HAPLN3: variants seen among roughly 807,000 people sequenced by gnomAD.
The protein encoded by HAPLN3 is hyaluronan and proteoglycan link protein 3.
HAPLN3 carries 28 observed loss-of-function variants against 28.1 expected under a neutral mutation model. That is an observed-to-expected ratio of 1.00 (90% CI 0.74 to 1.37). The LOEUF is 1.37. Ranked by LOEUF, HAPLN3 falls within the 40% of genes most tolerant of loss-of-function variation. The pLI is 0.00. For synonymous variants in HAPLN3, 211 were observed against 213.1 expected (o/e 0.99, Z 0.09); for missense variants, 513 against 504.6 (o/e 1.02, Z -0.16).
At chr15:88,887,034 A>C in intron 2 of HAPLN3, 141 bp downstream of exon 2, 1 of 888,642 alleles carries the variant, frequency 1.1e-6, no homozygotes, top group Non-Finnish European at 1.8e-6. Flanking sequence ...CTGTCTGAGA[A>C]GCAAGCTGGC....
chr15:88,890,011 AGGGAGGAAG>A (rs998871399), intron 1 of HAPLN3, among the ~76,000 whole-genome samples: 1 of 93,134 alleles, frequency 1.1e-5, no homozygotes, highest in African/African-American at 4.1e-5. Context: ...GGAGGGAGGG[AGGGAGGAAG>A]GGGAGGAAGG....
Position 88,878,193 on chromosome 15 carries a change from T to C in HAPLN3, c.860A>G (p.Gln287Arg). The C allele has an allele frequency of 6.2e-7, 1 of 1,614,160 alleles. No individual in the cohort carries two copies. Among genetic ancestry groups the C allele is most frequent in the South Asian group, 1.1e-5 (1 of 91,080 alleles). Reference protein sequence around the residue: ...LTLTEAREACQEDDATIAKVG... With the variant: ...LTLTEAREACREDDATIAKVG... ...CTTGGCGATCGTGGCATCATCTTCC[T>C]GGCAGGCCTCCCTTGCCTCTGTCAG... Residue 287 changes from glutamine to arginine, a missense_variant, in exon 5 of 5, where the codon CAG becomes CGG. Transcript: ENST00000359595.
intron 1 of HAPLN3, among the ~76,000 whole-genome samples, chr15:88,891,931 C>G (rs1898023374): frequency 6.6e-6 from 1 of 152,200 alleles, no homozygotes; most frequent in Non-Finnish European, 1.5e-5. Context: ...GGGCTCCCCG[C>G]TGTCCCTGGG....
Position 88,879,773 on chromosome 15 carries a change from G to C in HAPLN3, c.494-504C>G. ...CCCTAGAGGCCGTGGGGAGAGGGTTGGGGAAGGGCCTTCCATAAAGGAGGC... is the reference window on the plus strand; with the variant it reads ...CCCTAGAGGCCGTGGGGAGAGGGTTCGGGAAGGGCCTTCCATAAAGGAGGC... On this transcript the variant is annotated intron_variant, in intron 3 of 4. Coordinates refer to ENST00000359595, the MANE Select transcript of HAPLN3 (RefSeq NM_178232.4). This position sits in a 1 kb window ranked among gnomAD's most constrained non-coding sequence, Gnocchi z 5.0. 8.8e-7 allele frequency: 1 copy of C among 1,132,026 alleles called. No homozygotes were observed. The highest frequency in any genetic ancestry group is 1.6e-5 in the African/African-American group (1 of 61,486). The allele number at this position is 1,132,026 out of a possible 1,614,324, so 70.1% of individuals were successfully genotyped here. A position where few individuals can be genotyped will look rare whatever the true frequency, so the allele number is the denominator to read the frequency against.
At position 88,893,174 on chromosome 15, in the gene HAPLN3, T is replaced by C. The variant is rs1898059358; in HGVS notation, c.-48+2285A>G. On this transcript the variant is annotated intron_variant, in intron 1 of 4. Transcript: ENST00000359595. ...CTCACACCTGTAATCCTACAGCATT[T>C]GGGGAAGCTGAGGGGGTGGATCACC... 4 of 692,350 alleles carry C rather than the reference T, an allele frequency of 5.8e-6. No homozygotes were observed. The Admixed American group carries it at 8.1e-5, about 14-fold the overall frequency. 42.9% of individuals were successfully genotyped at this position (692,350 alleles called of 1,614,324 possible). A position where few individuals can be genotyped will look rare whatever the true frequency, so the allele number is the denominator to read the frequency against.
chr15:88,882,538 AG>A (rs1596167791), intron 2 of HAPLN3, among the ~76,000 whole-genome samples: 1 of 152,356 alleles, frequency 6.6e-6, no homozygotes, highest in East Asian at 1.9e-4. Context: ...GAACTTCTAA[AG>A]GAGACTACGC....
chr15:88,882,269 T>C (rs1897726420), intron 2 of HAPLN3, among the ~76,000 whole-genome samples: 1 of 152,208 alleles, frequency 6.6e-6, no homozygotes, highest in Non-Finnish European at 1.5e-5. Flanking sequence ...AATCATGAGC[T>C]AAACAAATGG....
intron 2 of HAPLN3, 38 bp downstream of exon 2, chr15:88,887,137 C>G: frequency 6.2e-7 from 1 of 1,612,572 alleles, no homozygotes; most frequent in Non-Finnish European, 8.5e-7. Flanking sequence ...TCTAGGTCAC[C>G]CAGGGGAGCA....
intron 1 of HAPLN3, among the ~76,000 whole-genome samples, chr15:88,891,281 ACT>A (rs1898005655): frequency 6.6e-6 from 1 of 150,404 alleles, no homozygotes; most frequent in Non-Finnish European, 1.5e-5. Context: ...CTGAGCACTT[ACT>A]CTCTCATTTA....
intron 1 of HAPLN3, among the ~76,000 whole-genome samples, chr15:88,891,053 AT>A (rs1399348389): frequency 3.3e-5 from 5 of 151,532 alleles, no homozygotes; most frequent in Non-Finnish European, 2.9e-5. Flanking sequence ...AATTTTTGTA[AT>A]TTTTTAGTAG....
intron 4 of HAPLN3, among the ~76,000 whole-genome samples, chr15:88,878,535 C>G (rs1201644473): frequency 6.6e-6 from 1 of 152,230 alleles, no homozygotes; most frequent in Non-Finnish European, 1.5e-5. Context: ...GTCAGAGTCT[C>G]TTGCCCATTC....
rs140353760 is a variant in HAPLN3, at chr15:88,882,250, G to C, written c.125-525C>G. Reference sequence around the variant, plus strand: ...GAAATGGAGCCCACTCCAAAATGCTGACCCACAGAATCATGAGCTAAACAA... The same window carrying C: ...GAAATGGAGCCCACTCCAAAATGCTCACCCACAGAATCATGAGCTAAACAA... On this transcript the variant is annotated intron_variant, in intron 2 of 4. Coordinates refer to ENST00000359595, the MANE Select transcript of HAPLN3 (RefSeq NM_178232.4). Among the ~76,000 whole-genome samples the C allele has an allele frequency of 2.5e-4, 38 of 152,294 alleles. No homozygotes were observed. The East Asian group carries it at 7.3e-3, about 29-fold the overall frequency.
chr15:88,878,027 A>G lies in HAPLN3; in HGVS notation c.1026T>C (p.Phe342=), dbSNP rs1335320391. The change falls in exon 5 of 5, where the codon TTT becomes TTC. Residue 342 remains phenylalanine, a synonymous_variant. Transcript: ENST00000359595. ...AGCGGCTCTGCGGGTCGGGGAAGCC[A>G]AAGCTTCGGACCCCAGGCTCTGGGG... The part of the protein sequence containing the change: ...CGPPEPGVRS[F]GFPDPQSRLY... 6.2e-7 allele frequency: 1 copy of G among 1,613,980 alleles called. No individual in the cohort carries two copies. Among genetic ancestry groups the G allele is most frequent in the African/African-American group, 1.3e-5 (1 of 75,044 alleles).
In HAPLN3 at chr15:88,881,597, G is replaced by A. The variant is rs142254313; in HGVS notation, c.253C>T (p.Arg85Cys). ...TCCGACAGCTTCCACCATTTGACAC[G>A]CACACGCCGCGGGGAGACCAGGGCC... ...EPALVSPRRV[R>C]VKWWKLSENG... is the part of the protein sequence containing the mutation. The change falls in exon 3 of 5, where the codon CGT (arginine) becomes TGT (cysteine). Residue 85 changes from arginine to cysteine, a missense_variant. Arg to Cys is a radical substitution (Grantham distance 180). Transcript: ENST00000359595. This position sits in a 1 kb window ranked among gnomAD's most constrained non-coding sequence, Gnocchi z 6.0. 1.9e-4 allele frequency: 311 copies of A among 1,613,968 alleles called. No homozygotes were observed. In the East Asian group the frequency reaches 2.7e-3, roughly 14 times the overall value.
Position 88,878,037 on chromosome 15 carries a change from A to G in HAPLN3, c.1016T>C (p.Val339Ala). ...HPNCGPPEPG[V>A]RSFGFPDPQS... is the part of the protein sequence containing the mutation. Reference sequence around the variant, plus strand: ...CGGGTCGGGGAAGCCAAAGCTTCGGACCCCAGGCTCTGGGGGCCCACAGTT... The same window carrying G: ...CGGGTCGGGGAAGCCAAAGCTTCGGGCCCCAGGCTCTGGGGGCCCACAGTT... The change falls in exon 5 of 5, where the codon GTC becomes GCC. Residue 339 changes from valine to alanine, a missense_variant. Transcript: ENST00000359595. 1 of 1,613,892 alleles carries G rather than the reference A, an allele frequency of 6.2e-7. No homozygotes were observed. Among genetic ancestry groups the G allele is most frequent in the East Asian group, 2.2e-5 (1 of 44,850 alleles).
rs1465976873 is a variant in HAPLN3 at position 88,895,236 on chromosome 15, C to T, written c.-48+223G>A. Among the ~76,000 whole-genome samples, 1 of 152,094 alleles carries T rather than the reference C, an allele frequency of 6.6e-6. No homozygotes were observed. Among genetic ancestry groups the T allele is most frequent in the Non-Finnish European group, 1.5e-5 (1 of 67,998 alleles). ...CACGGTGGGCACGAGGGTCCGGCGC[C>T]CGCATCCCCGCGCCGCTCCCTCCCC... On this transcript the variant is annotated intron_variant, in intron 1 of 4. Coordinates refer to ENST00000359595, the MANE Select transcript of HAPLN3 (RefSeq NM_178232.4). This position sits in a 1 kb window ranked among gnomAD's most constrained non-coding sequence, Gnocchi z 5.5.
Position 88,881,795 on chromosome 15 carries a change from C to T in HAPLN3, c.125-70G>A. On this transcript the variant is annotated intron_variant, in intron 2 of 4. Coordinates refer to ENST00000359595, the MANE Select transcript of HAPLN3 (RefSeq NM_178232.4). The surrounding 1 kb of genome is among the most constrained non-coding windows in gnomAD (Gnocchi z 6.0). ...CTGTACCCCTGCAAGGGCCACCGCA[C>T]ACCCTCATCCACGGCTCCTACAGGC... 6.7e-7 allele frequency: 1 copy of T among 1,499,924 alleles called. No homozygotes were observed. The highest frequency in any genetic ancestry group is 8.9e-7 in the Non-Finnish European group (1 of 1,118,408). 92.9% of individuals were successfully genotyped at this position (1,499,924 alleles called of 1,614,324 possible).
In HAPLN3 at chr15:88,887,280, C is replaced by G; in HGVS notation, c.19G>C (p.Val7Leu). 6.2e-7 allele frequency: 1 copy of G among 1,614,092 alleles called. No individual in the cohort carries two copies. The highest frequency in any genetic ancestry group is 8.5e-7 in the Non-Finnish European group (1 of 1,179,968). Residue 7 changes from valine to leucine, a missense_variant, in exon 2 of 5, where the codon GTC (valine) becomes CTC (leucine). Val to Leu is a conservative substitution (Grantham distance 32). Coordinates refer to ENST00000359595, the MANE Select transcript of HAPLN3 (RefSeq NM_178232.4). MGLLLLVPLLLLPGSYG... is the reference protein window; with the variant it reads MGLLLLLPLLLLPGSYG... ...GAGCCGGGCAGCAGGAGCAACGGGA[C>G]CAGGAGCAACAGGCCCATCTCCTCA...
At chr15:88,886,697 T>C (rs1897865408) in intron 2 of HAPLN3, among the ~76,000 whole-genome samples, 1 of 151,956 alleles carries the variant, frequency 6.6e-6, no homozygotes, top group African/African-American at 2.4e-5. Context: ...TGGTGGCACA[T>C]GCTTGTAATC....
Sources: allele counts gnomAD v4.1 joint callset (sites outside exome capture counted in the v4.1 genomes callset), GRCh38; gene constraint gnomAD v4.1.1; non-coding constraint Gnocchi (gnomAD v3.1); transcripts MANE v1.5; gene names NCBI Gene and HGNC (gene_info 2026-07-23, HGNC 2026-07-21).